The following CAMTA1 variants were observed in gnomAD, a reference collection of about 807,000 sequenced individuals.
CAMTA1 encodes calmodulin-binding transcription activator 1.
CAMTA1 carries 27 observed loss-of-function variants against 170.9 expected under a neutral mutation model. The observed-to-expected ratio is 0.16, with a 90% CI of 0.12 to 0.22. CAMTA1 has a LOEUF of 0.22. Among genes scored for constraint, CAMTA1 ranks in the 10% least tolerant of loss-of-function variants. The pLI, the probability that CAMTA1 is intolerant of heterozygous loss-of-function variation, is 1.00. For synonymous variants in CAMTA1, 833 were observed against 891.5 expected, an observed-to-expected ratio of 0.93 and a Z score of 1.17; for missense variants, 1,619 against 2,217.2, an observed-to-expected ratio of 0.73 and a Z score of 5.42.
chr1:7,197,888 C>T (rs908149366), intron 4 of CAMTA1, among the ~76,000 whole-genome samples: 12 of 151,824 alleles, frequency 7.9e-5, no homozygotes, highest in African/African-American at 1.7e-4. Flanking sequence ...CAGGGGAAGC[C>T]GTATCTTCCC....
rs863224853 is a variant in CAMTA1, at chr1:7,736,507, A to G, written c.3230A>G (p.Tyr1077Cys). The G allele has an allele frequency of 6.2e-7, 1 of 1,614,184 alleles. No individual in the cohort carries two copies. Among genetic ancestry groups the G allele is most frequent in the Non-Finnish European group, 8.5e-7 (1 of 1,180,034 alleles). The stretch of plus-strand genomic sequence containing the variant: ...CTCCACCTGGCCGCTGCCCAGGGCT[A>G]TGCCACCCTAATCCAGACCCTCATC... ...TLLHLAAAQG[Y>C]ATLIQTLIKW... The change falls in exon 13 of 23, where the codon TAT (tyrosine) becomes TGT (cysteine). Residue 1077 changes from tyrosine (Y) to cysteine (C), a missense_variant. Tyr to Cys is a radical substitution (Grantham distance 194). Transcript: ENST00000303635. The surrounding 1 kb of genome is among the most constrained non-coding windows in gnomAD (Gnocchi z 4.5).
In CAMTA1 at chr1:7,103,267, T is replaced by C. The variant is rs186935268; in HGVS notation, c.302+11896T>C. Among the ~76,000 whole-genome samples the C allele has an allele frequency of 3.7e-4, 57 of 152,158 alleles. No homozygotes were observed. In the East Asian group the frequency reaches 0.01, roughly 27 times the overall value. ...TAGAAAGAACCCGGGAGTGCTCACA[T>C]GCCAATGTAGATTCCATTTTACGGA... On this transcript the variant is annotated intron_variant, in intron 4 of 22. Coordinates refer to ENST00000303635, the MANE Select transcript of CAMTA1 (RefSeq NM_015215.4).
intron 4 of CAMTA1, among the ~76,000 whole-genome samples, chr1:7,148,569 G>T (rs1298015062): frequency 1.3e-5 from 2 of 152,164 alleles, no homozygotes; most frequent in East Asian, 1.9e-4. Flanking sequence ...AGTGGGTCCA[G>T]TCCCCACGTT....
chr1:6,884,334 AC>A lies in CAMTA1; in HGVS notation c.234+59125del, dbSNP rs1204708397. Reference sequence around the variant, plus strand: ...CACACACACACACACACACACACACACAATTTTGTTTGGCTTTGATCCACAC... The same window carrying A: ...CACACACACACACACACACACACACAAATTTTGTTTGGCTTTGATCCACAC... On this transcript the variant is annotated intron_variant, in intron 3 of 22. Coordinates refer to ENST00000303635, the MANE Select transcript of CAMTA1 (RefSeq NM_015215.4). Among the ~76,000 whole-genome samples the A allele has an allele frequency of 8.0e-4, 117 of 145,736 alleles. 1 individual carries two copies. Among genetic ancestry groups the A allele is most frequent in the South Asian group, 1.4e-3 (6 of 4,398 alleles).
intron 11 of CAMTA1, among the ~76,000 whole-genome samples, chr1:7,730,933 T>C (rs1473909560): frequency 2.4e-5 from 1 of 40,926 alleles, no homozygotes; most frequent in African/African-American, 6.8e-5. Flanking sequence ...TCTCTCTATA[T>C]ATATATATAT....
chr1:7,497,874 A>G (rs937043580), intron 6 of CAMTA1, among the ~76,000 whole-genome samples: 1 of 152,166 alleles, frequency 6.6e-6, no homozygotes, highest in Non-Finnish European at 1.5e-5. Context: ...AAGTCAAAAC[A>G]CTGAGGCAGA....
At chr1:7,391,100 T>C (rs2088659218) in intron 5 of CAMTA1, among the ~76,000 whole-genome samples, 1 of 151,950 alleles carries the variant, frequency 6.6e-6, no homozygotes. Flanking sequence ...CAGGTTCAAG[T>C]GATTCTCCTG....
At chr1:7,434,360 C>T (rs971418377) in intron 5 of CAMTA1, among the ~76,000 whole-genome samples, 21 of 152,320 alleles carry the variant, frequency 1.4e-4, no homozygotes, top group African/African-American at 4.8e-4. Flanking sequence ...TTCTCCATCT[C>T]GCCAGGGCAG....
intron 11 of CAMTA1, among the ~76,000 whole-genome samples, chr1:7,731,387 C>T (rs968785805): frequency 4.6e-5 from 7 of 151,882 alleles, no homozygotes; most frequent in East Asian, 1.9e-4. Context: ...GCCTGGCCAA[C>T]GTAGTGAAAC....
intron 11 of CAMTA1, among the ~76,000 whole-genome samples, chr1:7,687,776 A>G (rs1448533350): frequency 6.6e-6 from 1 of 152,096 alleles, no homozygotes; most frequent in Admixed American, 6.5e-5. Context: ...TTCCTTCTTC[A>G]TGGCTCCCCG....
At chr1:6,959,554 A>G (rs890025311) in intron 3 of CAMTA1, among the ~76,000 whole-genome samples, 1 of 152,198 alleles carries the variant, frequency 6.6e-6, no homozygotes, top group Non-Finnish European at 1.5e-5. Context: ...TCAGGCTGCA[A>G]AAGAGGTCAT....
rs561504446 is a variant in CAMTA1 at position 7,737,799 on chromosome 1, C to G, written c.3659-160C>G. Among the ~76,000 whole-genome samples the G allele has an allele frequency of 1.1e-4, 16 of 152,294 alleles. No individual in the cohort carries two copies. The South Asian group carries it at 3.3e-3, about 32-fold the overall frequency. ...ATACATAATTTTGGAGGAGGAAGAT[C>G]TGAATCTGGTGTATGCTACTGGGGA... On this transcript the variant is annotated intron_variant, in intron 15 of 22. Transcript: ENST00000303635.
chr1:7,322,020 A>C (rs1678497329), intron 5 of CAMTA1, among the ~76,000 whole-genome samples: 1 of 152,180 alleles, frequency 6.6e-6, no homozygotes, highest in Non-Finnish European at 1.5e-5. Context: ...TAGCTCTAGT[A>C]GGGGAGGGGT....
intron 5 of CAMTA1, among the ~76,000 whole-genome samples, chr1:7,368,259 T>G (rs1369643273): frequency 5.5e-4 from 46 of 83,950 alleles, no homozygotes; most frequent in South Asian, 1.6e-3. Context: ...ATTGGGTGTA[T>G]GCCCTGGGCA....
At chr1:7,277,933 A>C (rs1054289597) in intron 5 of CAMTA1, among the ~76,000 whole-genome samples, 1 of 152,162 alleles carries the variant, frequency 6.6e-6, no homozygotes, top group Non-Finnish European at 1.5e-5. Flanking sequence ...TATTACTACT[A>C]TTTGCCATTA....
intron 3 of CAMTA1, among the ~76,000 whole-genome samples, chr1:6,937,672 C>T (rs111203638): frequency 1.7e-4 from 13 of 76,556 alleles, no homozygotes; most frequent in South Asian, 8.2e-4. Context: ...CCATCATCAT[C>T]ACCATCACTA....
chr1:6,992,974 TA>T (rs958194505), intron 3 of CAMTA1, among the ~76,000 whole-genome samples: 3 of 152,192 alleles, frequency 2.0e-5, no homozygotes, highest in Admixed American at 6.5e-5. Flanking sequence ...CACCATTTGT[TA>T]AAAAAAGACT....
At chr1:7,305,920 T>G (rs1217726048) in intron 5 of CAMTA1, among the ~76,000 whole-genome samples, 3 of 152,076 alleles carry the variant, frequency 2.0e-5, no homozygotes, top group African/African-American at 7.2e-5. Flanking sequence ...TTAACGATGT[T>G]GAACAACTTT....
intron 1 of CAMTA1, among the ~76,000 whole-genome samples, chr1:6,800,794 C>G (rs1021085083): frequency 1.3e-5 from 2 of 152,126 alleles, no homozygotes; most frequent in African/African-American, 4.8e-5. Flanking sequence ...CTCCCTGGGC[C>G]TCCTATAGGC....
Sources: allele counts gnomAD v4.1 joint callset (sites outside exome capture counted in the v4.1 genomes callset), GRCh38; gene constraint gnomAD v4.1.1; non-coding constraint Gnocchi (gnomAD v3.1); transcripts MANE v1.5; gene names NCBI Gene and HGNC (gene_info 2026-07-23, HGNC 2026-07-21).